RSU1: variants seen among roughly 807,000 people sequenced by gnomAD.
RSU1 encodes the protein Ras suppressor protein 1.
RSU1 carries 26 observed loss-of-function variants against 31.1 expected under a neutral mutation model. That is an observed-to-expected ratio of 0.84 (90% CI 0.61 to 1.16). RSU1 has a LOEUF of 1.16. Among genes scored for constraint, RSU1 ranks in the 50% most tolerant of loss-of-function variants. The probability of loss-of-function intolerance (pLI) is 0.00; values close to 1 mark genes in which losing one functional copy is unlikely to be tolerated. For synonymous variants in RSU1, 164 were observed against 136.3 expected, an observed-to-expected ratio of 1.20 and a Z score of -1.41; for missense variants, 320 against 339.1, an observed-to-expected ratio of 0.94 and a Z score of 0.44.
chr10:16,600,502 TTTTTTTTGA>T (rs1265353838), intron 8 of RSU1, among the ~76,000 whole-genome samples: 3 of 151,610 alleles, frequency 2.0e-5, no homozygotes, highest in African/African-American at 7.3e-5. Flanking sequence ...TTTTGCAACT[TTTTTTTTGA>T]TTAAGCAGAT....
intron 8 of RSU1, among the ~76,000 whole-genome samples, chr10:16,691,700 G>T: frequency 6.7e-6 from 1 of 149,044 alleles, no homozygotes; most frequent in Non-Finnish European, 1.5e-5. Flanking sequence ...TGGCTCTCCG[G>T]TGCTTACTGA....
At chr10:16,730,780 C>G (rs931873078) in intron 7 of RSU1, among the ~76,000 whole-genome samples, 3 of 152,130 alleles carry the variant, frequency 2.0e-5, no homozygotes, top group African/African-American at 4.8e-5. Context: ...ATTTATGCAC[C>G]TATGTGAATA....
rs116273133 is a variant in RSU1 at position 16,810,617 on chromosome 10, C to T, written c.109+6356G>A. On this transcript the variant is annotated intron_variant, in intron 2 of 8. Coordinates refer to ENST00000345264, the MANE Select transcript of RSU1 (RefSeq NM_012425.4). Reference sequence around the variant, plus strand: ...TAAGGCAGTGGGTGTGCTGGTTTGACAAGACCATGGGACAGGTGGGCAAAG... The same window carrying T: ...TAAGGCAGTGGGTGTGCTGGTTTGATAAGACCATGGGACAGGTGGGCAAAG... Among the ~76,000 whole-genome samples, 1,190 of 152,272 alleles carry T rather than the reference C, an allele frequency of 7.8e-3. 22 individuals carry two copies. Among genetic ancestry groups the T allele is most frequent in the African/African-American group, 0.028 (1,150 of 41,528 alleles).
chr10:16,736,148 A>C (rs58273552), intron 7 of RSU1, among the ~76,000 whole-genome samples: 2,645 of 152,358 alleles, frequency 0.017, 75 homozygotes, highest in African/African-American at 0.059. Flanking sequence ...AAAGAGGCCC[A>C]GAAAGCTGCA....
At chr10:16,642,669 C>A (rs1248915622) in intron 8 of RSU1, among the ~76,000 whole-genome samples, 1 of 152,156 alleles carries the variant, frequency 6.6e-6, no homozygotes, top group Non-Finnish European at 1.5e-5. Context: ...GATAAATATT[C>A]TCTAAATGGA....
rs769882245 is a variant in RSU1 at position 16,695,163 on chromosome 10, G to A, written c.599-8C>T. ...CAGTTAAATCCAAGTTTCCTGGGGG[G>A]GGGGAAAAAAAAAGTGAAGGTCACT... On this transcript the variant is annotated splice_region_variant and splice_polypyrimidine_tract_variant and intron_variant, in intron 7 of 8. Coordinates refer to ENST00000345264, the MANE Select transcript of RSU1 (RefSeq NM_012425.4). 7.5e-6 allele frequency: 11 copies of A among 1,472,922 alleles called. No homozygotes were observed. The South Asian group carries it at 9.6e-5, about 13-fold the overall frequency. The allele number at this position is 1,472,922 out of a possible 1,614,324, so 91.2% of individuals were successfully genotyped here. A position where few individuals can be genotyped will look rare whatever the true frequency, so the allele number is the denominator to read the frequency against.
chr10:16,759,238 G>A (rs3780983), intron 4 of RSU1, among the ~76,000 whole-genome samples: 2,839 of 152,152 alleles, frequency 0.019, 47 homozygotes, highest in East Asian at 0.075. Context: ...AGTAGCTCAC[G>A]TCTGTAATCC....
Position 16,593,001 on chromosome 10 carries a change from G to A in RSU1, c.*393C>T, listed in dbSNP as rs1833535738. 6.3e-6 allele frequency: 1 copy of A among 158,160 alleles called. No individual in the cohort carries two copies. Among genetic ancestry groups the A allele is most frequent in the Admixed American group, 6.3e-5 (1 of 15,972 alleles). The allele number at this position is 158,160 out of a possible 1,614,324, so 9.8% of individuals were successfully genotyped here. A position where few individuals can be genotyped will look rare whatever the true frequency, so the allele number is the denominator to read the frequency against. ...AAGACTTTTAATAAAGCAAAATAAT[G>A]AGTTAGGTGAATCAACAGAAAGAGT... On this transcript the variant is annotated 3_prime_UTR_variant, in exon 9 of 9. Transcript: ENST00000345264.
At chr10:16,719,604 C>T (rs1836213795) in intron 7 of RSU1, among the ~76,000 whole-genome samples, 1 of 152,202 alleles carries the variant, frequency 6.6e-6, no homozygotes, top group Non-Finnish European at 1.5e-5. Flanking sequence ...ACAGTACTTA[C>T]TATATTTTGC....
chr10:16,677,512 A>G (rs1161944429), intron 8 of RSU1, among the ~76,000 whole-genome samples: 1 of 152,216 alleles, frequency 6.6e-6, no homozygotes, highest in East Asian at 1.9e-4. Flanking sequence ...AAAGCCACTC[A>G]ATACTCTTAG....
At chr10:16,687,874 CA>C (rs1297199891) in intron 8 of RSU1, among the ~76,000 whole-genome samples, 1 of 152,094 alleles carries the variant, frequency 6.6e-6, no homozygotes, top group African/African-American at 2.4e-5. Flanking sequence ...CATGTGCCAC[CA>C]TGCCCGGCTA....
chr10:16,667,270 AAAAGTT>A (rs1377014287), intron 8 of RSU1, among the ~76,000 whole-genome samples: 2 of 152,236 alleles, frequency 1.3e-5, no homozygotes, highest in Admixed American at 1.3e-4. Context: ...GGTAGGGAAT[AAAAGTT>A]AAGAGCACTG....
At chr10:16,761,124 G>A (rs1244665133) in intron 4 of RSU1, among the ~76,000 whole-genome samples, 2 of 152,044 alleles carry the variant, frequency 1.3e-5, no homozygotes, top group African/African-American at 4.8e-5. Context: ...TGTATATTTA[G>A]TAGAGACAAG....
intron 8 of RSU1, among the ~76,000 whole-genome samples, chr10:16,646,327 A>C (rs755797383): frequency 3.3e-5 from 5 of 152,098 alleles, no homozygotes; most frequent in Non-Finnish European, 7.4e-5. Context: ...AACTGTCAAG[A>C]ATCAAGACTC....
intron 7 of RSU1, among the ~76,000 whole-genome samples, chr10:16,737,426 G>A (rs748151625): frequency 2.0e-5 from 3 of 150,364 alleles, no homozygotes; most frequent in African/African-American, 7.3e-5. Context: ...GCAAACCAGA[G>A]ACAAGAAAAC....
chr10:16,808,991 A>G (rs1172948824), intron 2 of RSU1, among the ~76,000 whole-genome samples: 2 of 152,166 alleles, frequency 1.3e-5, no homozygotes, highest in South Asian at 2.1e-4. Context: ...TGACACTATG[A>G]TCTTGAACTT....
chr10:16,792,931 G>A (rs1277655244), intron 2 of RSU1, among the ~76,000 whole-genome samples: 4 of 152,222 alleles, frequency 2.6e-5, no homozygotes, highest in African/African-American at 9.6e-5. Context: ...GCATCTCCGT[G>A]ATGCTGCTTA....
At chr10:16,781,612 T>C (rs1455003674) in intron 3 of RSU1, among the ~76,000 whole-genome samples, 2 of 152,222 alleles carry the variant, frequency 1.3e-5, no homozygotes, top group African/African-American at 4.8e-5. Flanking sequence ...CAGGTCAGCA[T>C]AGCATTTACT....
At chr10:16,780,017 G>A (rs1837616700) in intron 3 of RSU1, among the ~76,000 whole-genome samples, 1 of 152,112 alleles carries the variant, frequency 6.6e-6, no homozygotes, top group Non-Finnish European at 1.5e-5. Flanking sequence ...AAACTGGCAA[G>A]GCAGAAATAT....
Sources: gnomAD v4.1 joint callset for allele counts (sites outside exome capture counted in the v4.1 genomes callset) on GRCh38, gnomAD v4.1.1 for gene constraint, MANE v1.5 for transcripts, NCBI Gene and HGNC (gene_info 2026-07-23, HGNC 2026-07-21) for gene names.